CYFIP1: variants seen among roughly 807,000 people sequenced by gnomAD.
CYFIP1 encodes the protein cytoplasmic FMR1-interacting protein 1.
Under a neutral mutation model 163.5 loss-of-function variants are expected in CYFIP1, and 58 were observed. The ratio of observed to expected loss-of-function variants is 0.35; its 90% CI spans 0.29 to 0.44. The LOEUF is 0.44. Among genes scored for constraint, CYFIP1 ranks in the 20% least tolerant of loss-of-function variants. The pLI, the probability that CYFIP1 is intolerant of heterozygous loss-of-function variation, is 1.00. For synonymous variants in CYFIP1, 663 were observed against 660.7 expected, an observed-to-expected ratio of 1.00 and a Z score of -0.05; for missense variants, 1,338 against 1,653.8, an observed-to-expected ratio of 0.81 and a Z score of 3.31.
intron 8 of CYFIP1, among the ~76,000 whole-genome samples, chr15:22,937,596 C>CTTTTT (rs919893437): frequency 4.2e-5 from 6 of 143,738 alleles, no homozygotes; most frequent in Admixed American, 1.5e-4. Context: ...ACTAAAAATT[C>CTTTTT]TTTTTTTGTT....
At chr15:22,904,189 T>A (rs915388372) in intron 21 of CYFIP1, 9 of 506,310 alleles carry the variant, frequency 1.8e-5, no homozygotes, top group Non-Finnish European at 3.2e-5. Context: ...GGCCTGCTAC[T>A]GCCACCCTTC....
At position 22,917,315 on chromosome 15, in the gene CYFIP1, T is replaced by C. The variant is rs985930246; in HGVS notation, c.1674+473A>G. 1 of 1,312,918 alleles carries C rather than the reference T, an allele frequency of 7.6e-7. No homozygotes were observed. Among genetic ancestry groups the C allele is most frequent in the East Asian group, 3.1e-5 (1 of 32,456 alleles). The allele number at this position is 1,312,918 out of a possible 1,614,324, so 81.3% of individuals were successfully genotyped here. On this transcript the variant is annotated intron_variant, in intron 15 of 30. Transcript: ENST00000617928. This position sits in a 1 kb window ranked among gnomAD's most constrained non-coding sequence, Gnocchi z 4.2. Reference sequence around the variant, plus strand: ...ACGCAGCGGTGTGGATTAAACCGGGTGTGAAAGTCGTGAGAAGCACCTCGG... The same window carrying C: ...ACGCAGCGGTGTGGATTAAACCGGGCGTGAAAGTCGTGAGAAGCACCTCGG...
intron 3 of CYFIP1, among the ~76,000 whole-genome samples, chr15:22,946,464 A>C (rs2140112817): frequency 6.6e-6 from 1 of 152,038 alleles, no homozygotes; most frequent in East Asian, 1.9e-4. Flanking sequence ...AACATGGTGA[A>C]ACCCTGTCTC....
At chr15:22,974,234 T>C (rs1297452245) in intron 1 of CYFIP1, among the ~76,000 whole-genome samples, 9 of 152,152 alleles carry the variant, frequency 5.9e-5, no homozygotes, top group Non-Finnish European at 1.0e-4. Flanking sequence ...CCCATGTTTA[T>C]TGCAGCACCT....
chr15:22,957,868 A>C (rs1203023533), intron 1 of CYFIP1, among the ~76,000 whole-genome samples: 1 of 152,204 alleles, frequency 6.6e-6, no homozygotes, highest in Non-Finnish European at 1.5e-5. Flanking sequence ...GAAGAAGAAA[A>C]GCATACTTTG....
chr15:22,895,006 T>C (rs1165180880), intron 22 of CYFIP1, among the ~76,000 whole-genome samples: 1 of 150,230 alleles, frequency 6.7e-6, no homozygotes, highest in African/African-American at 2.4e-5. Context: ...CAGGTCACCA[T>C]GCCTGGCTAA....
chr15:22,879,764 A>C, intron 26 of CYFIP1, 149 bp downstream of exon 26: 1 of 608,748 alleles, frequency 1.6e-6, no homozygotes, highest in Non-Finnish European at 2.9e-6. Flanking sequence ...ATTCAAACTA[A>C]AGTCTCAACA....
chr15:22,947,226 C>T lies in CYFIP1; in HGVS notation c.60G>A (p.Leu20=). 6.2e-7 allele frequency: 1 copy of T among 1,613,924 alleles called. No homozygotes were observed. The highest frequency in any genetic ancestry group is 1.1e-5 in the South Asian group (1 of 91,070). The change falls in exon 2 of 31, where the codon CTG becomes CTA. Residue 20 remains leucine (L), a synonymous_variant. Coordinates refer to ENST00000617928, the MANE Select transcript of CYFIP1 (RefSeq NM_014608.6). The part of the protein sequence containing the change: ...ALSNVDLLEE[L]PLPDQQPCIE... Reference sequence around the variant, plus strand: ...TGCAGGGCTGCTGGTCGGGCAGGGGCAGCTCCTCCAGGAGGTCCACGTTGG... The same window carrying T: ...TGCAGGGCTGCTGGTCGGGCAGGGGTAGCTCCTCCAGGAGGTCCACGTTGG...
At chr15:22,947,867 G>T in intron 1 of CYFIP1, 1 of 871,468 alleles carries the variant, frequency 1.1e-6, no homozygotes, top group Non-Finnish European at 1.4e-6. Flanking sequence ...CACCGCAGCT[G>T]GAGCAGAGGT....
chr15:22,958,018 A>G lies in CYFIP1; in HGVS notation c.-6-10727T>C, dbSNP rs563604996. On this transcript the variant is annotated intron_variant, in intron 1 of 30. Transcript: ENST00000617928. ...GGCTGCAGCACAGAAACAGGCTGTC[A>G]TGACCAGCAAGGCAAACAGTGCATA... is the stretch of plus-strand genomic sequence containing the variant. Among the ~76,000 whole-genome samples the G allele has an allele frequency of 7.9e-5, 12 of 152,306 alleles. No homozygotes were observed. In the East Asian group the frequency reaches 2.3e-3, roughly 29 times the overall value.
intron 10 of CYFIP1, among the ~76,000 whole-genome samples, chr15:22,933,486 T>G (rs985740960): frequency 7.2e-5 from 11 of 151,780 alleles, no homozygotes; most frequent in Admixed American, 6.6e-4. Flanking sequence ...GGCTAATTTT[T>G]TCTATTTTTA....
In CYFIP1 at chr15:22,867,161, A is replaced by C; in HGVS notation, c.*2867T>G. On this transcript the variant is annotated 3_prime_UTR_variant, in exon 31 of 31. Transcript: ENST00000617928. ...GTCTATGAAAATGCTTTATTTTTTCATTGGTGATGAAAGTCTGAAATGTGC... is the reference window on the plus strand; with the variant it reads ...GTCTATGAAAATGCTTTATTTTTTCCTTGGTGATGAAAGTCTGAAATGTGC... The C allele has an allele frequency of 2.2e-6, 1 of 446,744 alleles. No homozygotes were observed. Among genetic ancestry groups the C allele is most frequent in the Non-Finnish European group, 3.9e-6 (1 of 255,664 alleles). 27.7% of individuals were successfully genotyped at this position (446,744 alleles called of 1,614,324 possible).
rs117529695 is a variant in CYFIP1, at chr15:22,908,971, T to C, written c.2388+223A>G. 7.6e-3 allele frequency among the ~76,000 whole-genome samples: 1,127 copies of C among 148,630 alleles called. 11 individuals carry two copies. The highest frequency in any genetic ancestry group is 0.027 in the Middle Eastern group (8 of 292). On this transcript the variant is annotated intron_variant, in intron 21 of 30. Coordinates refer to ENST00000617928, the MANE Select transcript of CYFIP1 (RefSeq NM_014608.6). ...TAAGTCAATTTAGCATTGTGAACAC[T>C]GAGTGTAGGCTTGGTATAGGCCACG...
intron 23 of CYFIP1, among the ~76,000 whole-genome samples, chr15:22,886,321 A>C (rs1159195116): frequency 1.3e-5 from 2 of 152,222 alleles, no homozygotes; most frequent in Admixed American, 1.3e-4. Flanking sequence ...CAGCTTGTCT[A>C]AGGACACGGG....
In CYFIP1 at chr15:22,875,223, T is replaced by C. The variant is rs754921846; in HGVS notation, c.3091A>G (p.Ile1031Val). The C allele has an allele frequency of 1.2e-6, 2 of 1,614,012 alleles. No individual in the cohort carries two copies. The highest frequency in any genetic ancestry group is 1.1e-5 in the South Asian group (1 of 91,076). Reference sequence around the variant, plus strand: ...CCTTTCACATGGACTCGCGGCAAGATGTTCTGGAAAGGAGCCGCGTGCAGC... The same window carrying C: ...CCTTTCACATGGACTCGCGGCAAGACGTTCTGGAAAGGAGCCGCGTGCAGC... ...DLLHAAPFQNILPRVHVKEGE... is the reference protein window; with the variant it reads ...DLLHAAPFQNVLPRVHVKEGE... Residue 1031 changes from isoleucine (I) to valine (V), a missense_variant, in exon 27 of 31, where the codon ATC (isoleucine) becomes GTC (valine). Around this residue, in one of 4 missense-constraint regions of CYFIP1, gnomAD observed 306 missense variants for 322.1 expected, o/e 0.95. Transcript: ENST00000617928.
intron 22 of CYFIP1, among the ~76,000 whole-genome samples, chr15:22,900,192 A>G (rs939245709): frequency 3.9e-5 from 6 of 152,110 alleles, no homozygotes; most frequent in South Asian, 2.1e-4. Context: ...CCTTGCGAGA[A>G]GAGAAGAGAC....
chr15:22,895,293 C>T (rs547115219), intron 22 of CYFIP1, among the ~76,000 whole-genome samples: 4 of 152,180 alleles, frequency 2.6e-5, no homozygotes, highest in South Asian at 4.1e-4. Context: ...GGATTACAGG[C>T]GTAAGCCATT....
At chr15:22,906,717 G>A (rs576336759) in intron 21 of CYFIP1, among the ~76,000 whole-genome samples, 8 of 151,376 alleles carry the variant, frequency 5.3e-5, no homozygotes, top group Admixed American at 2.6e-4. Context: ...CGCCCGCCTC[G>A]TCCTCCCAAA....
intron 13 of CYFIP1, among the ~76,000 whole-genome samples, chr15:22,922,386 A>T (rs1268153492): frequency 6.6e-6 from 1 of 152,248 alleles, no homozygotes; most frequent in South Asian, 2.1e-4. Flanking sequence ...GCTGTCACAC[A>T]TCATCGCTGG....
Sources: allele counts gnomAD v4.1 joint callset (sites outside exome capture counted in the v4.1 genomes callset), GRCh38; gene constraint gnomAD v4.1.1; regional missense constraint gnomAD v4.1.1; non-coding constraint Gnocchi (gnomAD v3.1); transcripts MANE v1.5; gene names NCBI Gene and HGNC (gene_info 2026-07-23, HGNC 2026-07-21).